The following STXBP5L variants were observed in gnomAD, a reference collection of about 807,000 sequenced individuals.
The protein encoded by STXBP5L is syntaxin binding protein 5L, also known as syntaxin-binding protein 5-like.
In STXBP5L, 65 loss-of-function variants were observed where a neutral mutation model predicts 144.5. That is an observed-to-expected ratio of 0.45 (90% CI 0.37 to 0.55). The LOEUF is 0.55. Among genes scored for constraint, STXBP5L ranks in the 20% least tolerant of loss-of-function variants. The pLI is 0.00. For missense variants in STXBP5L, 1,298 were observed against 1,405.5 expected (o/e 0.92, Z 1.22); for synonymous variants, 505 against 469.6 (o/e 1.08, Z -0.97).
Position 121,381,307 on chromosome 3 carries a change from T to G in STXBP5L, c.2362T>G (p.Ser788Ala). 6.3e-7 allele frequency: 1 copy of G among 1,581,956 alleles called. No individual in the cohort carries two copies. Among genetic ancestry groups the G allele is most frequent in the Non-Finnish European group, 8.5e-7 (1 of 1,171,270 alleles). The change falls in exon 22 of 27, where the codon TCC (serine) becomes GCC (alanine). Residue 788 changes from serine (S) to alanine (A), a missense_variant. Physicochemically the swap from Ser to Ala is moderately conservative, Grantham distance 99. Transcript: ENST00000471454. ...PVTTEENRENSYNRSRSSSIS... is the reference protein window; with the variant it reads ...PVTTEENRENAYNRSRSSSIS... ...TATTTCCATAGAAAACCGAGAAAAT[T>G]CCTATAATCGTTCTAGAAGCTCTAG...
rs145359244 is a variant in STXBP5L, at chr3:121,087,610, G to A, written c.471-27315G>A. ...ATAGACAAGCGTATAGTTGGGTCAT[G>A]GTTTTTAATTCATTCTGTCAGTCTA... On this transcript the variant is annotated intron_variant, in intron 5 of 26. Coordinates refer to ENST00000471454, the MANE Select transcript of STXBP5L (RefSeq NM_001308330.2). 2.2e-3 allele frequency among the ~76,000 whole-genome samples: 336 copies of A among 151,928 alleles called. 2 individuals carry two copies. Among genetic ancestry groups the A allele is most frequent in the African/African-American group, 7.4e-3 (305 of 41,488 alleles).
At chr3:121,153,232 A>G (rs546237337) in intron 8 of STXBP5L, among the ~76,000 whole-genome samples, 283 of 152,192 alleles carry the variant, frequency 1.9e-3, no homozygotes, top group Non-Finnish European at 3.1e-3. Flanking sequence ...TTGTTCAAAT[A>G]TTAATTCCGG....
rs552182344 is a variant in STXBP5L, at chr3:121,054,695, A to T, written c.470+9160A>T. ...CATGGCATATGTATACATATGTAAC[A>T]AACCTGCACATTGTGCACATGTACC... On this transcript the variant is annotated intron_variant, in intron 5 of 26. Transcript: ENST00000471454. Among the ~76,000 whole-genome samples the T allele has an allele frequency of 4.6e-5, 7 of 152,156 alleles. No homozygotes were observed. The South Asian group carries it at 1.5e-3, about 32-fold the overall frequency.
intron 22 of STXBP5L, among the ~76,000 whole-genome samples, chr3:121,394,749 C>A (rs549442236): frequency 6.6e-6 from 1 of 151,704 alleles, no homozygotes; most frequent in Non-Finnish European, 1.5e-5. Context: ...GGACTACAGG[C>A]GCCCGCCACC....
At chr3:121,186,914 A>G (rs2047406928) in intron 9 of STXBP5L, among the ~76,000 whole-genome samples, 1 of 152,148 alleles carries the variant, frequency 6.6e-6, no homozygotes, top group Admixed American at 6.5e-5. Context: ...TCAGGAAACA[A>G]CAGGTGCTGG....
chr3:121,016,050 C>T (rs73187414), intron 3 of STXBP5L, among the ~76,000 whole-genome samples: 3,972 of 152,218 alleles, frequency 0.026, 73 homozygotes, highest in Middle Eastern at 0.061. Context: ...AAGGCACAAA[C>T]GAAGACACTA....
Position 121,166,626 on chromosome 3 carries a change from G to A in STXBP5L, c.877+8999G>A, listed in dbSNP as rs78526592. Among the ~76,000 whole-genome samples the A allele has an allele frequency of 5.3e-3, 813 of 152,088 alleles. 9 individuals are homozygous for A. The highest frequency in any genetic ancestry group is 0.018 in the African/African-American group (761 of 41,492). ...TACTATTCTAATGTCTGCATTTATT[G>A]GAAGTATAAAGCTGTTTACTGTTTC... On this transcript the variant is annotated intron_variant, in intron 9 of 26. Transcript: ENST00000471454.
chr3:121,379,757 A>T (rs891059311), intron 21 of STXBP5L, among the ~76,000 whole-genome samples: 3 of 152,204 alleles, frequency 2.0e-5, no homozygotes, highest in Admixed American at 2.0e-4. Context: ...ATGAATGGAA[A>T]AGATTTGGAG....
chr3:121,070,614 G>T (rs189766393), intron 5 of STXBP5L, among the ~76,000 whole-genome samples: 1 of 152,120 alleles, frequency 6.6e-6, no homozygotes, highest in Non-Finnish European at 1.5e-5. Context: ...TCTTGAGTGG[G>T]TACATACCCA....
intron 5 of STXBP5L, among the ~76,000 whole-genome samples, chr3:121,101,487 T>A (rs976057040): frequency 5.9e-5 from 9 of 152,084 alleles, no homozygotes; most frequent in Non-Finnish European, 1.0e-4. Context: ...AACCATATGA[T>A]CATCTCAATT....
intron 9 of STXBP5L, among the ~76,000 whole-genome samples, chr3:121,196,237 G>A (rs190775979): frequency 6.6e-5 from 10 of 151,354 alleles, no homozygotes; most frequent in Admixed American, 2.0e-4. Context: ...TTGGCTCACC[G>A]CAACCTCTGC....
intron 5 of STXBP5L, among the ~76,000 whole-genome samples, chr3:121,054,085 G>A (rs1319747026): frequency 6.6e-6 from 1 of 152,110 alleles, no homozygotes; most frequent in Non-Finnish European, 1.5e-5. Flanking sequence ...AAAAAGTCAG[G>A]AAACAACAGG....
intron 3 of STXBP5L, among the ~76,000 whole-genome samples, chr3:121,041,100 C>CACCTTCATTCCTCCTCCTTCCTTTTTTT (rs1947119739): frequency 6.8e-6 from 1 of 146,402 alleles, no homozygotes; most frequent in African/African-American, 2.5e-5. Context: ...CCTTTTTTTT[C>CACCTTCATTCCTCCTCCTTCCTTTTTTT]TCTCTCTCTT....
intron 7 of STXBP5L, among the ~76,000 whole-genome samples, chr3:121,126,838 T>A (rs927339508): frequency 2.6e-5 from 4 of 152,194 alleles, no homozygotes; most frequent in African/African-American, 4.8e-5. Flanking sequence ...ATAATCTGAT[T>A]TCTTGGCTTT....
rs2047404187 is a variant in STXBP5L at position 121,423,810 on chromosome 3, A to T, written c.*4713A>T. ...GTTCTGAGTGGTCAGGGAAGGCAAG[A>T]TGTAAGATATAGTAATGGTATTTAT... On this transcript the variant is annotated 3_prime_UTR_variant, in exon 27 of 27. Transcript: ENST00000471454. 1 of 152,196 alleles carries T rather than the reference A, an allele frequency of 6.6e-6. No homozygotes were observed. The highest frequency in any genetic ancestry group is 1.5e-5 in the Non-Finnish European group (1 of 68,042). The allele number at this position is 152,196 out of a possible 1,614,324, so 9.4% of individuals were successfully genotyped here. A position where few individuals can be genotyped will look rare whatever the true frequency, so the allele number is the denominator to read the frequency against.
At chr3:121,119,482 G>T (rs1018725835) in intron 6 of STXBP5L, among the ~76,000 whole-genome samples, 2 of 151,288 alleles carry the variant, frequency 1.3e-5, no homozygotes, top group African/African-American at 4.8e-5. Flanking sequence ...CTAATATTAA[G>T]AAGGCTACTT....
chr3:121,396,499 G>T (rs2046733157), intron 22 of STXBP5L, among the ~76,000 whole-genome samples: 1 of 152,214 alleles, frequency 6.6e-6, no homozygotes, highest in Non-Finnish European at 1.5e-5. Flanking sequence ...GTGAAAAAAG[G>T]TGTCCACACA....
Position 120,961,860 on chromosome 3 carries a change from C to T in STXBP5L, c.287+6823C>T, listed in dbSNP as rs148524078. Among the ~76,000 whole-genome samples the T allele has an allele frequency of 4.7e-3, 719 of 152,332 alleles. 6 individuals are homozygous for T. The highest frequency in any genetic ancestry group is 0.017 in the African/African-American group (695 of 41,566). On this transcript the variant is annotated intron_variant, in intron 3 of 26. Transcript: ENST00000471454. ...TGAGGAATCGCCACACTGTCTTCCA[C>T]AATAGTTGAACTAGTTTACACTCCC...
At chr3:121,104,278 C>T (rs2043580446) in intron 5 of STXBP5L, among the ~76,000 whole-genome samples, 1 of 152,122 alleles carries the variant, frequency 6.6e-6, no homozygotes. Flanking sequence ...ACATCTCATG[C>T]TCATGGATGG....
Sources: allele counts gnomAD v4.1 joint callset (sites outside exome capture counted in the v4.1 genomes callset), GRCh38; gene constraint gnomAD v4.1.1; transcripts MANE v1.5; gene names NCBI Gene and HGNC (gene_info 2026-07-23, HGNC 2026-07-21).